Variants in FREM1 observed in about 807,000 individuals in gnomAD.
The protein encoded by FREM1 is FRAS1-related extracellular matrix protein 1.
FREM1 carries 220 observed loss-of-function variants against 210.1 expected under a neutral mutation model. The ratio of observed to expected loss-of-function variants is 1.05; its 90% CI spans 0.94 to 1.17. FREM1 has a LOEUF of 1.17. FREM1 is among the 50% of genes most tolerant of loss of function. The probability of loss-of-function intolerance (pLI) is 0.00; values close to 1 mark genes in which losing one functional copy is unlikely to be tolerated. For missense variants in FREM1, 3,454 were observed against 2,675.5 expected, an observed-to-expected ratio of 1.29 and a Z score of -6.42; for synonymous variants, 1,189 against 980.2, an observed-to-expected ratio of 1.21 and a Z score of -3.98.
At chr9:14,749,236 T>G (rs1842945647) in intron 30 of FREM1, among the ~76,000 whole-genome samples, 1 of 152,130 alleles carries the variant, frequency 6.6e-6, no homozygotes, top group African/African-American at 2.4e-5. Flanking sequence ...ATATAAGGTG[T>G]GTATATCATG....
At chr9:14,883,432 C>G (rs1166972319) in intron 1 of FREM1, among the ~76,000 whole-genome samples, 1 of 151,982 alleles carries the variant, frequency 6.6e-6, no homozygotes, top group Non-Finnish European at 1.5e-5. Flanking sequence ...GTATTTTTCT[C>G]TTGGTGTTGG....
chr9:14,791,572 G>T (rs1265155458), intron 22 of FREM1, among the ~76,000 whole-genome samples: 5 of 152,134 alleles, frequency 3.3e-5, no homozygotes. Context: ...AAACAATAAG[G>T]GTTCTGGTGC....
chr9:14,884,311 A>G (rs1452015424), intron 1 of FREM1, among the ~76,000 whole-genome samples: 1 of 152,176 alleles, frequency 6.6e-6, no homozygotes, highest in African/African-American at 2.4e-5. Flanking sequence ...GTTTCTTAAC[A>G]TTTCGAAATC....
rs577540601 is a variant in FREM1 at position 14,836,276 on chromosome 9, A to G, written c.1881+5171T>C. Among the ~76,000 whole-genome samples, 1 of 152,338 alleles carries G rather than the reference A, an allele frequency of 6.6e-6. No individual in the cohort carries two copies. Among genetic ancestry groups the G allele is most frequent in the African/African-American group, 2.4e-5 (1 of 41,594 alleles). On this transcript the variant is annotated intron_variant, in intron 10 of 36. Coordinates refer to ENST00000380880, the MANE Select transcript of FREM1 (RefSeq NM_001379081.2). This position sits in a 1 kb window ranked among gnomAD's most constrained non-coding sequence, Gnocchi z 4.9. ...CTTCAAACTAAAATATTGGACAGAG[A>G]GTTTTCATTGCTGTAGTATTTTGCT...
intron 1 of FREM1, among the ~76,000 whole-genome samples, chr9:14,879,166 A>G (rs1834329022): frequency 6.6e-6 from 1 of 151,980 alleles, no homozygotes; most frequent in Non-Finnish European, 1.5e-5. Context: ...TCAAAAAAAA[A>G]AAAAAAAGAA....
At chr9:14,837,222 G>T (rs1204717959) in intron 10 of FREM1, among the ~76,000 whole-genome samples, 1 of 152,104 alleles carries the variant, frequency 6.6e-6, no homozygotes, top group Non-Finnish European at 1.5e-5. Context: ...TGAATGACAT[G>T]CCTGGTCAAA....
chr9:14,797,217 G>A (rs530303028), intron 21 of FREM1, among the ~76,000 whole-genome samples: 1 of 152,208 alleles, frequency 6.6e-6, no homozygotes, highest in East Asian at 1.9e-4. Context: ...ATGTTTAGTA[G>A]ATTGTTCATT....
At chr9:14,862,477 G>A (rs1175949002) in intron 3 of FREM1, among the ~76,000 whole-genome samples, 3 of 152,140 alleles carry the variant, frequency 2.0e-5, no homozygotes, top group African/African-American at 7.2e-5. Flanking sequence ...CCATAATCGT[G>A]AGCTTAAATT....
At chr9:14,805,682 T>C (rs1405459252) in intron 18 of FREM1, among the ~76,000 whole-genome samples, 1 of 152,232 alleles carries the variant, frequency 6.6e-6, no homozygotes, top group Non-Finnish European at 1.5e-5. Flanking sequence ...AGATGTGCAT[T>C]AAGTCACCAG....
intron 8 of FREM1, among the ~76,000 whole-genome samples, chr9:14,844,835 T>A (rs1826305240): frequency 6.6e-6 from 1 of 152,218 alleles, no homozygotes; most frequent in African/African-American, 2.4e-5. Flanking sequence ...AGATCATGAC[T>A]TCTTTCATTG....
chr9:14,786,311 C>T (rs891682034), intron 23 of FREM1, among the ~76,000 whole-genome samples: 1 of 152,134 alleles, frequency 6.6e-6, no homozygotes, highest in Admixed American at 6.5e-5. Flanking sequence ...TCTTTAATAC[C>T]TAGGGAGCTC....
chr9:14,821,745 G>C (rs1482069349), intron 13 of FREM1, among the ~76,000 whole-genome samples: 3 of 152,196 alleles, frequency 2.0e-5, no homozygotes, highest in Non-Finnish European at 4.4e-5. Flanking sequence ...TTGGATGGGG[G>C]CTTAGATGGT....
intron 12 of FREM1, among the ~76,000 whole-genome samples, chr9:14,823,786 A>G (rs141319910): frequency 6.6e-6 from 1 of 152,354 alleles, no homozygotes; most frequent in African/African-American, 2.4e-5. Context: ...ATGGCAAAAC[A>G]ATACAAAAGT....
intron 27 of FREM1, among the ~76,000 whole-genome samples, chr9:14,767,417 G>C (rs1846636405): frequency 6.6e-6 from 1 of 152,126 alleles, no homozygotes; most frequent in Non-Finnish European, 1.5e-5. Flanking sequence ...TCAGTGTGCT[G>C]AGAAAAATCA....
intron 10 of FREM1, among the ~76,000 whole-genome samples, chr9:14,837,728 G>GA (rs112706032): frequency 3.3e-5 from 5 of 152,074 alleles, no homozygotes; most frequent in African/African-American, 1.2e-4. Context: ...TAATTGGGGG[G>GA]AAAAAATCAT....
chr9:14,759,205 T>C (rs1844987503), intron 28 of FREM1, among the ~76,000 whole-genome samples: 1 of 152,168 alleles, frequency 6.6e-6, no homozygotes, highest in African/African-American at 2.4e-5. Context: ...AAATTAAAAA[T>C]GGATTTTAAA....
intron 1 of FREM1, among the ~76,000 whole-genome samples, chr9:14,881,627 A>C (rs1397805140): frequency 6.6e-6 from 1 of 152,210 alleles, no homozygotes; most frequent in Admixed American, 6.5e-5. Flanking sequence ...TTCACTTATG[A>C]TAACTTAGTA....
At chr9:14,804,060 G>C (rs922768788) in intron 19 of FREM1, among the ~76,000 whole-genome samples, 2 of 152,100 alleles carry the variant, frequency 1.3e-5, no homozygotes, top group African/African-American at 4.8e-5. Flanking sequence ...AACCTGATTA[G>C]TAGACAGGTT....
intron 1 of FREM1, among the ~76,000 whole-genome samples, chr9:14,906,102 G>A (rs943211941): frequency 6.6e-5 from 10 of 152,054 alleles, no homozygotes; most frequent in Middle Eastern, 3.2e-3. Context: ...TGTATTAGCC[G>A]TCTCCCAAAG....
Sources: allele counts gnomAD v4.1 joint callset (sites outside exome capture counted in the v4.1 genomes callset), GRCh38; gene constraint gnomAD v4.1.1; non-coding constraint Gnocchi (gnomAD v3.1); transcripts MANE v1.5; gene names NCBI Gene and HGNC (gene_info 2026-07-23, HGNC 2026-07-21).